EPHA3: variants seen among roughly 807,000 people sequenced by gnomAD.
The protein encoded by EPHA3 is EPH receptor A3.
EPHA3 carries 42 observed loss-of-function variants against 107.1 expected under a neutral mutation model. The observed-to-expected ratio is 0.39, with a 90% CI of 0.31 to 0.51. EPHA3 has a LOEUF of 0.51. Among genes scored for constraint, EPHA3 ranks in the 20% least tolerant of loss-of-function variants. The pLI, the probability that EPHA3 is intolerant of heterozygous loss-of-function variation, is 0.78. For synonymous variants in EPHA3, 461 were observed against 424.8 expected (o/e 1.09, Z -1.05); for missense variants, 1,183 against 1,211.2 (o/e 0.98, Z 0.35).
intron 2 of EPHA3, among the ~76,000 whole-genome samples, chr3:89,134,797 G>C (rs760216544): frequency 1.3e-5 from 2 of 152,134 alleles, no homozygotes; most frequent in Non-Finnish European, 2.9e-5. Flanking sequence ...TTGGTGTTGT[G>C]AGTTGTCTCC....
At chr3:89,243,553 C>G (rs1204180166) in intron 3 of EPHA3, among the ~76,000 whole-genome samples, 1 of 152,136 alleles carries the variant, frequency 6.6e-6, no homozygotes, top group African/African-American at 2.4e-5. Flanking sequence ...TAAATATCTT[C>G]TTTTGAGAAG....
intron 5 of EPHA3, among the ~76,000 whole-genome samples, chr3:89,385,541 G>A (rs544572032): frequency 9.2e-5 from 14 of 152,232 alleles, no homozygotes; most frequent in Middle Eastern, 3.4e-3. Context: ...ATTTCCTGAG[G>A]CCTCCCTAGT....
chr3:89,278,675 G>A (rs1362197925), intron 3 of EPHA3, among the ~76,000 whole-genome samples: 2 of 152,122 alleles, frequency 1.3e-5, no homozygotes, highest in Non-Finnish European at 2.9e-5. Context: ...AAATGAAATA[G>A]AGGTCGCTCT....
chr3:89,410,129 C>A (rs745626188), intron 9 of EPHA3, among the ~76,000 whole-genome samples: 1 of 151,818 alleles, frequency 6.6e-6, no homozygotes, highest in Non-Finnish European at 1.5e-5. Flanking sequence ...GCTTCTACAG[C>A]GAACAGACCA....
intron 10 of EPHA3, 45 bp downstream of exon 10, chr3:89,413,311 C>T (rs1437164187): frequency 4.4e-6 from 7 of 1,607,594 alleles, no homozygotes; most frequent in Non-Finnish European, 4.3e-6. Context: ...GTATGTGAAT[C>T]ACGATTGCTC....
chr3:89,166,112 T>C (rs553460638), intron 2 of EPHA3, among the ~76,000 whole-genome samples: 1 of 152,324 alleles, frequency 6.6e-6, no homozygotes, highest in South Asian at 2.1e-4. Context: ...GATCTCTGTC[T>C]TAGCACCCTT....
chr3:89,440,946 C>A (rs539944121), intron 13 of EPHA3, among the ~76,000 whole-genome samples: 2 of 152,294 alleles, frequency 1.3e-5, no homozygotes, highest in Non-Finnish European at 1.5e-5. Flanking sequence ...CCTTGATACT[C>A]ATGTAGGTTT....
At chr3:89,212,775 G>A (rs1356106006) in intron 3 of EPHA3, among the ~76,000 whole-genome samples, 1 of 151,882 alleles carries the variant, frequency 6.6e-6, no homozygotes, top group African/African-American at 2.4e-5. Flanking sequence ...TAGACTTAGT[G>A]TACCAAATAC....
intron 2 of EPHA3, among the ~76,000 whole-genome samples, chr3:89,155,555 A>T (rs1215689421): frequency 1.3e-5 from 2 of 152,016 alleles, no homozygotes; most frequent in Non-Finnish European, 2.9e-5. Context: ...ATCCATTTTG[A>T]TTTTCATGGT....
chr3:89,318,115 A>G lies in EPHA3; in HGVS notation c.815-22801A>G, dbSNP rs190622293. ...TACTTCCATGACCCAGTCAGATTCAATTTGGAAAAACCTTGGATCATATGA... is the reference window on the plus strand; with the variant it reads ...TACTTCCATGACCCAGTCAGATTCAGTTTGGAAAAACCTTGGATCATATGA... On this transcript the variant is annotated intron_variant, in intron 3 of 16. Coordinates refer to ENST00000336596, the MANE Select transcript of EPHA3 (RefSeq NM_005233.6). Among the ~76,000 whole-genome samples the G allele has an allele frequency of 3.0e-4, 45 of 151,992 alleles. No homozygotes were observed. In the East Asian group the frequency reaches 6.4e-3, roughly 22 times the overall value.
Position 89,244,053 on chromosome 3 carries a change from G to A in EPHA3, c.814+33533G>A, listed in dbSNP as rs376751257. Among the ~76,000 whole-genome samples the A allele has an allele frequency of 5.9e-5, 9 of 152,052 alleles. No individual in the cohort carries two copies. In the East Asian group the frequency reaches 1.4e-3, roughly 23 times the overall value. ...AAATATGGTGCTGTGACTTGTCTTA[G>A]GAATTTGATTATTTAAAAATATGAA... is the stretch of plus-strand genomic sequence containing the variant. On this transcript the variant is annotated intron_variant, in intron 3 of 16. Transcript: ENST00000336596.
chr3:89,438,249 C>T (rs1439847634), intron 13 of EPHA3, among the ~76,000 whole-genome samples: 2 of 151,870 alleles, frequency 1.3e-5, no homozygotes, highest in Admixed American at 6.6e-5. Flanking sequence ...GCTGGGACCA[C>T]AGGGGCCCAT....
chr3:89,474,176 T>C (rs1222995537), intron 16 of EPHA3, among the ~76,000 whole-genome samples: 1 of 152,314 alleles, frequency 6.6e-6, no homozygotes, highest in African/African-American at 2.4e-5. Context: ...TTATAATTTA[T>C]GGTGTAACAT....
intron 3 of EPHA3, among the ~76,000 whole-genome samples, chr3:89,304,634 C>T (rs766950913): frequency 2.0e-5 from 3 of 152,096 alleles, no homozygotes; most frequent in African/African-American, 7.2e-5. Flanking sequence ...GACTTTTATT[C>T]AAAATATTCC....
At chr3:89,174,904 G>A (rs1227811091) in intron 2 of EPHA3, among the ~76,000 whole-genome samples, 2 of 151,656 alleles carry the variant, frequency 1.3e-5, no homozygotes, top group Non-Finnish European at 2.9e-5. Flanking sequence ...AATAGCATGT[G>A]CAGAGGAAAA....
chr3:89,421,128 T>A (rs1709345000), intron 11 of EPHA3, among the ~76,000 whole-genome samples: 1 of 151,390 alleles, frequency 6.6e-6, no homozygotes, highest in Admixed American at 6.6e-5. Flanking sequence ...ATCGTTACTT[T>A]AAAAATCTTC....
chr3:89,396,053 G>C, intron 6 of EPHA3, 92 bp downstream of exon 6: 1 of 1,528,616 alleles, frequency 6.5e-7, no homozygotes, highest in South Asian at 1.3e-5. Flanking sequence ...TGACATTCCT[G>C]GTAAATGGTA....
intron 5 of EPHA3, among the ~76,000 whole-genome samples, chr3:89,372,047 A>T (rs1279974526): frequency 6.6e-6 from 1 of 151,236 alleles, no homozygotes; most frequent in African/African-American, 2.4e-5. Context: ...GAGGGAGGAA[A>T]GAAAAAAAAT....
intron 1 of EPHA3, among the ~76,000 whole-genome samples, chr3:89,116,719 T>TAA (rs140739470): frequency 4.0e-4 from 53 of 132,552 alleles, no homozygotes; most frequent in African/African-American, 1.3e-3. Flanking sequence ...ACTGTAACAT[T>TAA]AAAAAAAAAA....
Sources: gnomAD v4.1 joint callset for allele counts (sites outside exome capture counted in the v4.1 genomes callset) on GRCh38, gnomAD v4.1.1 for gene constraint, MANE v1.5 for transcripts, NCBI Gene and HGNC (gene_info 2026-07-23, HGNC 2026-07-21) for gene names.